AOAH: variants seen among roughly 807,000 people sequenced by gnomAD.
AOAH encodes the protein acyloxyacyl hydrolase (neutrophil).
Under a neutral mutation model 92.2 loss-of-function variants are expected in AOAH, and 64 were observed. The observed-to-expected ratio is 0.69, with a 90% CI of 0.57 to 0.86. AOAH has a LOEUF of 0.86. Ranked by LOEUF, AOAH falls within the 40% of genes least tolerant of loss-of-function variation. AOAH has a pLI of 0.00. For synonymous variants in AOAH, 263 were observed against 254.5 expected, an observed-to-expected ratio of 1.03 and a Z score of -0.32; for missense variants, 656 against 694.6, an observed-to-expected ratio of 0.94 and a Z score of 0.62.
intron 3 of AOAH, 76 bp from the exon 4 acceptor site, chr7:36,659,341 G>A: frequency 8.1e-7 from 1 of 1,232,478 alleles, no homozygotes; most frequent in Non-Finnish European, 1.2e-6. Context: ...TGCAAAGAAA[G>A]GTAAATCCCC....
chr7:36,707,944 T>C (rs924543633), intron 1 of AOAH, among the ~76,000 whole-genome samples: 4 of 151,924 alleles, frequency 2.6e-5, no homozygotes, highest in Non-Finnish European at 4.4e-5. Context: ...TGGTTACATA[T>C]CACCACGCTG....
At chr7:36,549,054 G>A (rs1012774248) in intron 14 of AOAH, among the ~76,000 whole-genome samples, 5 of 152,198 alleles carry the variant, frequency 3.3e-5, no homozygotes, top group African/African-American at 2.4e-5. Flanking sequence ...CCTGGCAGCC[G>A]TGGACCCATA....
chr7:36,659,184 A>G lies in AOAH; in HGVS notation c.372T>C (p.His124=). The part of the protein sequence containing the change: ...CKQNTGQPLC[H]LYPLPKETWK... The stretch of plus-strand genomic sequence containing the variant: ...CACTCACCTTGGGAAGAGGGTAGAG[A>G]TGACACAATGGTTGGCCAGTGTTCT... The change falls in exon 4 of 21, where the codon CAT becomes CAC. Residue 124 remains histidine, a synonymous_variant. Transcript: ENST00000617537. 1 of 1,613,808 alleles carries G rather than the reference A, an allele frequency of 6.2e-7. No individual in the cohort carries two copies. Among genetic ancestry groups the G allele is most frequent in the Non-Finnish European group, 8.5e-7 (1 of 1,179,686 alleles).
At chr7:36,678,600 T>TGTGTGCGCGCGC (rs549317369) in intron 2 of AOAH, among the ~76,000 whole-genome samples, 14 of 131,094 alleles carry the variant, frequency 1.1e-4, no homozygotes, top group South Asian at 5.6e-4. Flanking sequence ...TGTGTGTGTG[T>TGTGTGCGCGCGC]GCGCGCGCGC....
At position 36,541,358 on chromosome 7, in the gene AOAH, G is replaced by A. The variant is rs1219343877; in HGVS notation, c.1134-867C>T. ...AAAATAAAAAAAGAAAGTACTGAAAGTAGTTATGAGAGACACAGGCCTAAA... is the reference window on the plus strand; with the variant it reads ...AAAATAAAAAAAGAAAGTACTGAAAATAGTTATGAGAGACACAGGCCTAAA... On this transcript the variant is annotated intron_variant, in intron 15 of 20. Coordinates refer to ENST00000617537, the MANE Select transcript of AOAH (RefSeq NM_001637.4). Among the ~76,000 whole-genome samples, 3 of 152,198 alleles carry A rather than the reference G, an allele frequency of 2.0e-5. No individual in the cohort carries two copies. The East Asian group carries it at 5.8e-4, about 29-fold the overall frequency.
In AOAH at chr7:36,616,570, C is replaced by G. The variant is rs1180846778; in HGVS notation, c.752-96G>C. 5 of 969,108 alleles carry G rather than the reference C, an allele frequency of 5.2e-6. No individual in the cohort carries two copies. The East Asian group carries it at 1.0e-4, about 20-fold the overall frequency. The allele number at this position is 969,108 out of a possible 1,614,324, so 60.0% of individuals were successfully genotyped here. On this transcript the variant is annotated intron_variant, in intron 10 of 20. Transcript: ENST00000617537. ...AAGAGCGGATACCCTAGTGTGTATT[C>G]CAGGCACCGAGCATTTTCACAGTAA...
At chr7:36,600,710 G>T (rs951120708) in intron 11 of AOAH, among the ~76,000 whole-genome samples, 1 of 152,116 alleles carries the variant, frequency 6.6e-6, no homozygotes, top group African/African-American at 2.4e-5. Flanking sequence ...TCCTTGCTTT[G>T]CCCCCAAGCT....
intron 4 of AOAH, 38 bp from the exon 5 acceptor site, chr7:36,637,948 T>G: frequency 6.6e-7 from 1 of 1,524,308 alleles, no homozygotes; most frequent in South Asian, 1.1e-5. Context: ...CAACTCATGT[T>G]TTATCTTTTC....
chr7:36,533,741 T>C (rs1024384461), intron 16 of AOAH, among the ~76,000 whole-genome samples: 1 of 152,090 alleles, frequency 6.6e-6, no homozygotes, highest in Non-Finnish European at 1.5e-5. Flanking sequence ...CCTTTCTGAA[T>C]GTGTCTCAGC....
chr7:36,515,884 C>G (rs921946072), intron 20 of AOAH, among the ~76,000 whole-genome samples: 1 of 130,624 alleles, frequency 7.7e-6, no homozygotes, highest in African/African-American at 2.9e-5. Flanking sequence ...ACACCACACA[C>G]CATGCACACC....
chr7:36,685,779 G>A (rs1053015544), intron 2 of AOAH, among the ~76,000 whole-genome samples: 4 of 152,068 alleles, frequency 2.6e-5, no homozygotes, highest in African/African-American at 9.7e-5. Context: ...AATCTTAATG[G>A]TCCATTTGGG....
At chr7:36,528,802 A>G (rs992177404) in intron 19 of AOAH, among the ~76,000 whole-genome samples, 2 of 152,086 alleles carry the variant, frequency 1.3e-5, no homozygotes, top group East Asian at 1.9e-4. Context: ...GGGTCTTGCA[A>G]TGTTGCCCAG....
intron 13 of AOAH, among the ~76,000 whole-genome samples, chr7:36,558,032 C>T (rs575609579): frequency 6.6e-6 from 1 of 152,356 alleles, no homozygotes; most frequent in East Asian, 1.9e-4. Context: ...TGGTGAGGAG[C>T]TGTGTTCCTT....
At chr7:36,597,350 C>T (rs1790202293) in intron 11 of AOAH, among the ~76,000 whole-genome samples, 1 of 152,132 alleles carries the variant, frequency 6.6e-6, no homozygotes, top group Non-Finnish European at 1.5e-5. Flanking sequence ...ATTTCTCCTG[C>T]CACTACAAAG....
intron 12 of AOAH, among the ~76,000 whole-genome samples, chr7:36,580,209 C>T (rs1005827265): frequency 6.6e-6 from 1 of 152,152 alleles, no homozygotes; most frequent in Admixed American, 6.5e-5. Context: ...TTTTTCCCTA[C>T]AACTATTGGG....
chr7:36,675,008 A>T (rs1796153225), intron 2 of AOAH, among the ~76,000 whole-genome samples: 1 of 152,256 alleles, frequency 6.6e-6, no homozygotes. Flanking sequence ...TAATCCCAGC[A>T]CTTTGGGAGG....
At chr7:36,714,092 A>T (rs1798965114) in intron 1 of AOAH, among the ~76,000 whole-genome samples, 1 of 152,216 alleles carries the variant, frequency 6.6e-6, no homozygotes, top group Non-Finnish European at 1.5e-5. Flanking sequence ...AGACTAATAA[A>T]GAGGAAAAGA....
rs78005813 is a variant in AOAH at position 36,548,649 on chromosome 7, C to T, written c.1096G>A (p.Val366Ile). The part of the protein sequence containing the change: ...RNKVLDYPAI[V>I]IYAMIGNDVC... ...TCATTTCCAATCATGGCATATATAA[C>T]GATGGCGGGATAGTCCAACACCTTG... Residue 366 changes from valine (V) to isoleucine (I), a missense_variant, in exon 15 of 21, where the codon GTT becomes ATT. Coordinates refer to ENST00000617537, the MANE Select transcript of AOAH (RefSeq NM_001637.4). 1.5e-3 allele frequency: 2,420 copies of T among 1,613,608 alleles called. 15 individuals carry two copies. The African/African-American group carries it at 0.015, about 10-fold the overall frequency.
intron 4 of AOAH, among the ~76,000 whole-genome samples, chr7:36,654,466 G>A (rs1460879640): frequency 2.6e-5 from 4 of 152,170 alleles, no homozygotes; most frequent in Non-Finnish European, 5.9e-5. Context: ...TGGAATTTCA[G>A]GTGGGCTGTA....
Sources: allele counts gnomAD v4.1 joint callset (sites outside exome capture counted in the v4.1 genomes callset), GRCh38; gene constraint gnomAD v4.1.1; transcripts MANE v1.5; gene names NCBI Gene and HGNC (gene_info 2026-07-23, HGNC 2026-07-21).